The following VPS13C variants were observed in gnomAD, a reference collection of about 807,000 sequenced individuals.
VPS13C encodes vacuolar protein sorting 13 homolog C.
Under a neutral mutation model 456.8 loss-of-function variants are expected in VPS13C, and 358 were observed. The ratio of observed to expected loss-of-function variants is 0.78; its 90% CI spans 0.72 to 0.86. VPS13C has a LOEUF of 0.86. VPS13C is among the 40% of genes least tolerant of loss of function. The pLI, the probability that VPS13C is intolerant of heterozygous loss-of-function variation, is 0.00. For missense variants in VPS13C, 4,818 were observed against 4,385.4 expected (o/e 1.10, Z -2.79); for synonymous variants, 1,578 against 1,486.7 (o/e 1.06, Z -1.41).
chr15:61,907,384 T>C lies in VPS13C; in HGVS notation c.8985A>G (p.Ser2995=). The C allele has an allele frequency of 6.2e-7, 1 of 1,613,784 alleles. No homozygotes were observed. ...TTGGCAGCAAGACCATTTCTTCTGG[T>C]GACCCACTAAAACACAATGAACAGA... is the stretch of plus-strand genomic sequence containing the variant. ...WDILTYKQSG[S]PEEMVLLPRQ... Residue 2995 remains serine, a synonymous_variant, in exon 66 of 85, where the codon TCA becomes TCG. Transcript: ENST00000644861.
At chr15:62,004,593 G>C (rs1051693347) in intron 15 of VPS13C, among the ~76,000 whole-genome samples, 1 of 150,818 alleles carries the variant, frequency 6.6e-6, no homozygotes, top group African/African-American at 2.4e-5. Context: ...TGCTTTTCTA[G>C]TTCTTTTAAT....
intron 1 of VPS13C, among the ~76,000 whole-genome samples, chr15:62,046,402 T>C (rs559412536): frequency 1.3e-5 from 2 of 152,182 alleles, no homozygotes; most frequent in Non-Finnish European, 2.9e-5. Flanking sequence ...GTATTATATA[T>C]GCACTAAAAT....
At chr15:61,865,595 T>C in intron 81 of VPS13C, 1 of 624,254 alleles carries the variant, frequency 1.6e-6, no homozygotes, top group Non-Finnish European at 2.0e-6. Context: ...TATGTGTGTG[T>C]ATATATGTAT....
Position 61,927,091 on chromosome 15 carries a change from T to C in VPS13C, c.6516A>G (p.Thr2172=). The change falls in exon 52 of 85, where the codon ACA becomes ACG. Residue 2172 remains threonine, a splice_region_variant and synonymous_variant. Coordinates refer to ENST00000644861, the MANE Select transcript of VPS13C (RefSeq NM_020821.3). ...GATTAGGACACAAGGTAATTCTTAC[T>C]GTGGTAATGTTTTTCCCTCTCTTTT... is the stretch of plus-strand genomic sequence containing the variant. ...LREKRGKNIT[T]VLQPCSLFME... The C allele has an allele frequency of 1.9e-6, 3 of 1,613,580 alleles. No individual in the cohort carries two copies. Among genetic ancestry groups the C allele is most frequent in the East Asian group, 2.2e-5 (1 of 44,876 alleles).
At chr15:61,859,951 A>G (rs1894133833) in intron 82 of VPS13C, among the ~76,000 whole-genome samples, 2 of 152,128 alleles carry the variant, frequency 1.3e-5, no homozygotes, top group South Asian at 4.1e-4. Flanking sequence ...TTAGGTCTTG[A>G]GAACTTGTGT....
intron 38 of VPS13C, among the ~76,000 whole-genome samples, chr15:61,952,719 T>C (rs1308941339): frequency 1.3e-5 from 2 of 151,900 alleles, no homozygotes; most frequent in African/African-American, 4.9e-5. Flanking sequence ...TGTTTGTTTA[T>C]TGACTGATTG....
intron 50 of VPS13C, among the ~76,000 whole-genome samples, chr15:61,930,864 C>G (rs1336849897): frequency 1.3e-5 from 2 of 152,164 alleles, no homozygotes; most frequent in African/African-American, 4.8e-5. Context: ...CTCTTAGTTC[C>G]CATTCTAAAT....
intron 1 of VPS13C, among the ~76,000 whole-genome samples, chr15:62,045,607 T>C (rs977893454): frequency 1.3e-5 from 2 of 152,072 alleles, no homozygotes; most frequent in African/African-American, 4.8e-5. Flanking sequence ...GGATAAAAAA[T>C]TCCAGACCCA....
chr15:61,869,904 C>A (rs1894884603), intron 79 of VPS13C, among the ~76,000 whole-genome samples: 1 of 152,178 alleles, frequency 6.6e-6, no homozygotes, highest in Non-Finnish European at 1.5e-5. Flanking sequence ...GTGATCCTGA[C>A]ACATGCTCAA....
intron 10 of VPS13C, 65 bp from the exon 11 acceptor site, chr15:62,013,184 G>C (rs1315299486): frequency 1.6e-6 from 2 of 1,242,938 alleles, no homozygotes; most frequent in Non-Finnish European, 2.2e-6. Flanking sequence ...AATATTAAAA[G>C]ATTATTCTCA....
chr15:61,903,141 C>T (rs574478306), intron 66 of VPS13C, among the ~76,000 whole-genome samples: 2 of 151,986 alleles, frequency 1.3e-5, no homozygotes, highest in South Asian at 2.1e-4. Context: ...GCCTGGGCAA[C>T]ATGGCGAAAC....
At chr15:62,024,497 C>T (rs1171986725) in intron 6 of VPS13C, among the ~76,000 whole-genome samples, 1 of 152,038 alleles carries the variant, frequency 6.6e-6, no homozygotes, top group Non-Finnish European at 1.5e-5. Flanking sequence ...AATCTTCATA[C>T]TCAAATTCCT....
At chr15:61,865,304 T>C (rs539358841) in intron 81 of VPS13C, 1 of 979,954 alleles carries the variant, frequency 1.0e-6, no homozygotes, top group Admixed American at 6.2e-5. Flanking sequence ...GCATTATTAC[T>C]GTTAGTAGAA....
chr15:61,980,421 T>A (rs2045846006), intron 22 of VPS13C, among the ~76,000 whole-genome samples: 1 of 152,144 alleles, frequency 6.6e-6, no homozygotes, highest in Non-Finnish European at 1.5e-5. Flanking sequence ...CATCCGCTTA[T>A]TGTGAGAGTG....
intron 16 of VPS13C, among the ~76,000 whole-genome samples, chr15:61,996,223 C>T (rs1021256418): frequency 3.3e-5 from 5 of 152,198 alleles, no homozygotes; most frequent in Admixed American, 2.6e-4. Flanking sequence ...GAACCACCCA[C>T]GCAAGTCTCA....
rs1157165122 is a variant in VPS13C, at chr15:61,863,742, A to T, written c.10864-214T>A. 1.0e-5 allele frequency: 4 copies of T among 384,954 alleles called. No homozygotes were observed. The South Asian group carries it at 1.5e-4, about 15-fold the overall frequency. 23.8% of individuals were successfully genotyped at this position (384,954 alleles called of 1,614,324 possible). ...TGCCTTAAAAGAAAAACATGTAATA[A>T]ATGCTTACCAAGTGGTCTTCTGGTA... is the stretch of plus-strand genomic sequence containing the variant. On this transcript the variant is annotated intron_variant, in intron 81 of 84. Coordinates refer to ENST00000644861, the MANE Select transcript of VPS13C (RefSeq NM_020821.3).
chr15:62,022,226 T>C (rs1354825317), intron 8 of VPS13C, among the ~76,000 whole-genome samples: 1 of 151,830 alleles, frequency 6.6e-6, no homozygotes, highest in Non-Finnish European at 1.5e-5. Context: ...TACCAAACCC[T>C]AAATATACTA....
At chr15:62,037,272 T>C (rs1364299969) in intron 3 of VPS13C, among the ~76,000 whole-genome samples, 1 of 70,140 alleles carries the variant, frequency 1.4e-5, no homozygotes, top group Non-Finnish European at 2.5e-5. Context: ...TTATATTATA[T>C]AATATATTAT....
chr15:61,930,732 T>C (rs556861882), intron 50 of VPS13C, among the ~76,000 whole-genome samples: 9 of 152,202 alleles, frequency 5.9e-5, no homozygotes, highest in Non-Finnish European at 1.3e-4. Context: ...ATAAACATGA[T>C]GAAGGAAAAA....
Sources: gnomAD v4.1 joint callset for allele counts (sites outside exome capture counted in the v4.1 genomes callset) on GRCh38, gnomAD v4.1.1 for gene constraint, MANE v1.5 for transcripts, NCBI Gene and HGNC (gene_info 2026-07-23, HGNC 2026-07-21) for gene names.